Variants in NALF1 observed in about 807,000 individuals in gnomAD.
The protein encoded by NALF1 is family with sequence similarity 155 member A.
Under a neutral mutation model 48.4 loss-of-function variants are expected in NALF1, and 3 were observed. That is an observed-to-expected ratio of 0.06 (90% CI 0.03 to 0.16). The LOEUF (loss-of-function observed/expected upper bound fraction) is 0.16, where lower values mean the gene tolerates loss of function less well. Ranked by LOEUF, NALF1 falls within the 10% of genes least tolerant of loss-of-function variation. The pLI is 1.00. For synonymous variants in NALF1, 262 were observed against 245.7 expected (o/e 1.07, Z -0.62); for missense variants, 526 against 571.5 (o/e 0.92, Z 0.81).
intron 1 of NALF1, among the ~76,000 whole-genome samples, chr13:107,727,597 G>A (rs892128569): frequency 5.9e-5 from 9 of 152,232 alleles, no homozygotes; most frequent in South Asian, 4.1e-4. Flanking sequence ...CCTACGTGAC[G>A]CCATTCAGGA....
chr13:107,385,552 CAA>C (rs201307018), intron 1 of NALF1, among the ~76,000 whole-genome samples: 5 of 118,292 alleles, frequency 4.2e-5, no homozygotes, highest in African/African-American at 1.3e-4. Context: ...GATTCCATCT[CAA>C]AAAAAAAAAA....
chr13:107,399,021 A>T (rs1052654890), intron 1 of NALF1, among the ~76,000 whole-genome samples: 3 of 152,176 alleles, frequency 2.0e-5, no homozygotes, highest in Non-Finnish European at 4.4e-5. Context: ...TCACGAAGTG[A>T]CATGGTCATA....
chr13:107,560,718 C>G (rs1431560287), intron 1 of NALF1, among the ~76,000 whole-genome samples: 1 of 152,048 alleles, frequency 6.6e-6, no homozygotes, highest in Non-Finnish European at 1.5e-5. Context: ...ATCTATGCTC[C>G]CCCACTGGTC....
intron 2 of NALF1, among the ~76,000 whole-genome samples, chr13:107,185,573 T>A (rs1226999442): frequency 1.3e-5 from 2 of 152,112 alleles, no homozygotes; most frequent in African/African-American, 4.8e-5. Context: ...TTTGTACCCA[T>A]CAATATCACC....
At position 107,678,422 on chromosome 13, in the gene NALF1, C is replaced by T. The variant is rs1263327279; in HGVS notation, c.915+187260G>A. Among the ~76,000 whole-genome samples the T allele has an allele frequency of 2.6e-5, 4 of 152,054 alleles. No individual in the cohort carries two copies. In the East Asian group the frequency reaches 7.7e-4, roughly 29 times the overall value. On this transcript the variant is annotated intron_variant, in intron 1 of 2. Coordinates refer to ENST00000375915, the MANE Select transcript of NALF1 (RefSeq NM_001080396.3). The stretch of plus-strand genomic sequence containing the variant: ...TGTTTTTGCAAAATGCCATCGTTAC[C>T]CACAGACATGGTGCCTGAGAAGTGA...
At chr13:107,380,634 T>C (rs1481573904) in intron 1 of NALF1, among the ~76,000 whole-genome samples, 2 of 152,056 alleles carry the variant, frequency 1.3e-5, no homozygotes, top group African/African-American at 4.8e-5. Flanking sequence ...ATATTCTATT[T>C]TGAAGGAAAA....
chr13:107,700,962 T>A (rs1881804249), intron 1 of NALF1, among the ~76,000 whole-genome samples: 1 of 152,124 alleles, frequency 6.6e-6, no homozygotes, highest in Admixed American at 6.5e-5. Context: ...TGTATGGCTG[T>A]TATCAAAAAG....
chr13:107,541,600 T>A (rs1317250779), intron 1 of NALF1, among the ~76,000 whole-genome samples: 5 of 152,136 alleles, frequency 3.3e-5, no homozygotes, highest in African/African-American at 1.2e-4. Context: ...TATAGCTTTA[T>A]ATATGCACTG....
chr13:107,222,582 C>A (rs761757815), intron 1 of NALF1, among the ~76,000 whole-genome samples: 6 of 152,190 alleles, frequency 3.9e-5, no homozygotes, highest in Non-Finnish European at 7.4e-5. Context: ...TTAGGAGAAG[C>A]CCGACTGAAG....
At chr13:107,765,545 G>A (rs888083690) in intron 1 of NALF1, among the ~76,000 whole-genome samples, 10 of 151,976 alleles carry the variant, frequency 6.6e-5, no homozygotes, top group Non-Finnish European at 1.5e-4. Flanking sequence ...TGCTTATTTC[G>A]TTCTGTTTAT....
At chr13:107,223,346 T>G (rs1880033482) in intron 1 of NALF1, among the ~76,000 whole-genome samples, 1 of 152,156 alleles carries the variant, frequency 6.6e-6, no homozygotes, top group African/African-American at 2.4e-5. Flanking sequence ...ACTCATTTTT[T>G]TTTGCAGTCA....
At chr13:107,855,066 G>A (rs1594316181) in intron 1 of NALF1, among the ~76,000 whole-genome samples, 2 of 152,116 alleles carry the variant, frequency 1.3e-5, no homozygotes, top group South Asian at 4.1e-4. Flanking sequence ...AGGTGTAGCA[G>A]GGAGTGGTCA....
chr13:107,253,957 C>A (rs1200562926), intron 1 of NALF1, among the ~76,000 whole-genome samples: 4 of 151,970 alleles, frequency 2.6e-5, no homozygotes. Context: ...GTGTCTCTCC[C>A]ATTAGAATAT....
At chr13:107,636,084 T>C (rs549162206) in intron 1 of NALF1, among the ~76,000 whole-genome samples, 3 of 152,160 alleles carry the variant, frequency 2.0e-5, no homozygotes, top group East Asian at 1.9e-4. Context: ...CTAGAAGTAA[T>C]GGCAAAAACC....
intron 1 of NALF1, among the ~76,000 whole-genome samples, chr13:107,511,618 A>C (rs1413390978): frequency 6.6e-6 from 1 of 152,098 alleles, no homozygotes; most frequent in East Asian, 1.9e-4. Flanking sequence ...TCAGGTAACT[A>C]TTTCTATTCA....
At chr13:107,584,975 C>G (rs2138413263) in intron 1 of NALF1, among the ~76,000 whole-genome samples, 1 of 152,244 alleles carries the variant, frequency 6.6e-6, no homozygotes, top group South Asian at 2.1e-4. Context: ...ATAAATGCTG[C>G]CTTCTAAAAG....
chr13:107,467,435 A>G (rs950129330), intron 1 of NALF1, among the ~76,000 whole-genome samples: 2 of 151,574 alleles, frequency 1.3e-5, no homozygotes, highest in African/African-American at 2.4e-5. Flanking sequence ...CCACTACTCC[A>G]CATTCTTCCA....
intron 1 of NALF1, among the ~76,000 whole-genome samples, chr13:107,568,620 C>T (rs541920678): frequency 2.0e-5 from 3 of 152,072 alleles, no homozygotes; most frequent in Non-Finnish European, 4.4e-5. Flanking sequence ...AATGTTATTC[C>T]TATTTATTAT....
At chr13:107,488,392 T>G (rs2139066975) in intron 1 of NALF1, among the ~76,000 whole-genome samples, 1 of 152,212 alleles carries the variant, frequency 6.6e-6, no homozygotes, top group African/African-American at 2.4e-5. Flanking sequence ...TCTTCCTAAC[T>G]TTTTGATGTG....
Sources: gnomAD v4.1 joint callset for allele counts (sites outside exome capture counted in the v4.1 genomes callset) on GRCh38, gnomAD v4.1.1 for gene constraint, MANE v1.5 for transcripts, NCBI Gene and HGNC (gene_info 2026-07-23, HGNC 2026-07-21) for gene names.